The following ANO2 variants were observed in gnomAD, a reference collection of about 807,000 sequenced individuals.
ANO2 encodes the protein anoctamin-2.
A neutral mutation model predicts 124.2 loss-of-function variants in ANO2; 101 were observed. The observed-to-expected ratio is 0.81, with a 90% CI of 0.69 to 0.96. ANO2 has a LOEUF of 0.96. Among genes scored for constraint, ANO2 ranks in the 40% least tolerant of loss-of-function variants. The probability of loss-of-function intolerance (pLI) is 0.00; values close to 1 mark genes in which losing one functional copy is unlikely to be tolerated. For missense variants in ANO2, 1,293 were observed against 1,274.5 expected (o/e 1.01, Z -0.22); for synonymous variants, 486 against 482.5 (o/e 1.01, Z -0.09).
chr12:5,877,548 C>T (rs1565742598), intron 3 of ANO2, among the ~76,000 whole-genome samples: 1 of 152,312 alleles, frequency 6.6e-6, no homozygotes, highest in South Asian at 2.1e-4. Flanking sequence ...GGCTCACATC[C>T]CCAGCCAACC....
chr12:5,924,756 T>C (rs66463142), intron 1 of ANO2, among the ~76,000 whole-genome samples: 56,829 of 152,122 alleles, frequency 0.37, 12,842 homozygotes, highest in East Asian at 0.79. Flanking sequence ...TCCTTTTCTC[T>C]TGCAACATGC....
chr12:5,662,343 G>A (rs779455168), intron 14 of ANO2, among the ~76,000 whole-genome samples: 1 of 152,084 alleles, frequency 6.6e-6, no homozygotes, highest in African/African-American at 2.4e-5. Context: ...GATGGTTGGT[G>A]TCCTCCATTC....
chr12:5,744,655 G>A (rs1267949971), intron 11 of ANO2, among the ~76,000 whole-genome samples: 1 of 152,198 alleles, frequency 6.6e-6, no homozygotes, highest in Non-Finnish European at 1.5e-5. Context: ...GGAATGGGAT[G>A]CATCCACAGT....
At chr12:5,878,467 A>T (rs1011533714) in intron 3 of ANO2, among the ~76,000 whole-genome samples, 2 of 152,202 alleles carry the variant, frequency 1.3e-5, no homozygotes, top group Admixed American at 1.3e-4. Flanking sequence ...CCTGGGTCAT[A>T]ACAAGTATGT....
chr12:5,658,985 T>G lies in ANO2; in HGVS notation c.1546-11184A>C, dbSNP rs436383. Among the ~76,000 whole-genome samples the G allele has an allele frequency of 0.39, 59,807 of 151,948 alleles. 12,894 individuals carry two copies. The highest frequency in any genetic ancestry group is 0.55 in the African/African-American group (22,603 of 41,400). On this transcript the variant is annotated intron_variant, in intron 14 of 24. Coordinates refer to ENST00000682330, the MANE Select transcript of ANO2 (RefSeq NM_001364791.2). This position sits in a 1 kb window ranked among gnomAD's most constrained non-coding sequence, Gnocchi z 4.3. ...CAACTGATAAGGAAACCCAGTTAAT[T>G]ATGGGCAATGTTTTCTACAGCACAA... is the stretch of plus-strand genomic sequence containing the variant.
intron 12 of ANO2, among the ~76,000 whole-genome samples, chr12:5,743,092 G>GGTCTCCACCCAAGTGAAT (rs1951152845): frequency 6.6e-6 from 1 of 152,020 alleles, no homozygotes; most frequent in African/African-American, 2.4e-5. Flanking sequence ...CCCAAGTGAA[G>GGTCTCCACCCAAGTGAAT]GTCCCCACAG....
At chr12:5,843,555 A>T (rs1010794421) in intron 4 of ANO2, among the ~76,000 whole-genome samples, 38 of 152,274 alleles carry the variant, frequency 2.5e-4, no homozygotes, top group South Asian at 1.4e-3. Context: ...ATCTCAAAAA[A>T]AAAATAAAAT....
chr12:5,919,629 G>A (rs145283082), intron 3 of ANO2, among the ~76,000 whole-genome samples: 3 of 152,326 alleles, frequency 2.0e-5, no homozygotes, highest in South Asian at 2.1e-4. Flanking sequence ...GATGAGGCCC[G>A]TGACCTGCAG....
chr12:5,675,059 C>G (rs778608934), intron 14 of ANO2, among the ~76,000 whole-genome samples: 1 of 152,092 alleles, frequency 6.6e-6, no homozygotes, highest in African/African-American at 2.4e-5. Context: ...GTTCCCCAAA[C>G]CTACAACAGT....
At chr12:5,577,922 C>G in intron 22 of ANO2, 33 bp downstream of exon 22, 1 of 1,605,388 alleles carries the variant, frequency 6.2e-7, no homozygotes. Flanking sequence ...GCCCTTCCCA[C>G]AGAGCGAGTG....
chr12:5,831,750 G>A (rs1337883327), intron 5 of ANO2, among the ~76,000 whole-genome samples: 1 of 152,146 alleles, frequency 6.6e-6, no homozygotes, highest in Non-Finnish European at 1.5e-5. Context: ...AAAATGAGAA[G>A]GTCCTTCTTT....
chr12:5,684,061 C>T (rs1051431467), intron 14 of ANO2, among the ~76,000 whole-genome samples: 2 of 152,188 alleles, frequency 1.3e-5, no homozygotes, highest in African/African-American at 4.8e-5. Context: ...ACTTCCCTCC[C>T]TACCACCACT....
chr12:5,567,821 T>C (rs529112160), intron 23 of ANO2, among the ~76,000 whole-genome samples: 17 of 152,326 alleles, frequency 1.1e-4, no homozygotes, highest in African/African-American at 3.4e-4. Context: ...GCAGAAAGAC[T>C]AACACAGAGA....
chr12:5,792,492 G>A (rs1952727076), intron 10 of ANO2, among the ~76,000 whole-genome samples: 1 of 152,222 alleles, frequency 6.6e-6, no homozygotes, highest in Admixed American at 6.5e-5. Flanking sequence ...GTTTTACCAT[G>A]ATTCAGTAAA....
intron 14 of ANO2, among the ~76,000 whole-genome samples, chr12:5,651,010 C>T (rs1946889638): frequency 6.6e-6 from 1 of 152,184 alleles, no homozygotes; most frequent in Non-Finnish European, 1.5e-5. Context: ...CCTAAGTGGC[C>T]CAGGTATTGT....
At chr12:5,918,803 T>C (rs1386610477) in intron 3 of ANO2, among the ~76,000 whole-genome samples, 1 of 152,176 alleles carries the variant, frequency 6.6e-6, no homozygotes, top group Non-Finnish European at 1.5e-5. Context: ...ATGACACCTT[T>C]TAAAATCATC....
At chr12:5,818,447 TTATATATATATATA>T (rs57443240) in intron 7 of ANO2, among the ~76,000 whole-genome samples, 20,418 of 82,622 alleles carry the variant, frequency 0.25, 3,440 homozygotes, top group Admixed American at 0.37. Context: ...TAAACTCATA[TTATATATATATATA>T]TATATATATA....
At chr12:5,822,880 G>C (rs530569685) in intron 7 of ANO2, among the ~76,000 whole-genome samples, 1 of 152,166 alleles carries the variant, frequency 6.6e-6, no homozygotes, top group African/African-American at 2.4e-5. Context: ...AATCATGGAG[G>C]GAGGCACTTC....
At chr12:5,572,726 T>C (rs1942197214) in intron 23 of ANO2, among the ~76,000 whole-genome samples, 1 of 152,206 alleles carries the variant, frequency 6.6e-6, no homozygotes. Context: ...TGATGGATGC[T>C]TCAAAGTCAC....
Sources: gnomAD v4.1 joint callset for allele counts (sites outside exome capture counted in the v4.1 genomes callset) on GRCh38, gnomAD v4.1.1 for gene constraint, Gnocchi (gnomAD v3.1) non-coding constraint, MANE v1.5 for transcripts, NCBI Gene and HGNC (gene_info 2026-07-23, HGNC 2026-07-21) for gene names.